The following CLTCL1 variants were observed in gnomAD, a reference collection of about 807,000 sequenced individuals.
CLTCL1 encodes the protein clathrin heavy chain 2.
A neutral mutation model predicts 190.0 loss-of-function variants in CLTCL1; 159 were observed. The ratio of observed to expected loss-of-function variants is 0.84; its 90% CI spans 0.74 to 0.95. The LOEUF is 0.95. CLTCL1 is among the 40% of genes least tolerant of loss of function. The pLI is 0.00. For synonymous variants in CLTCL1, 752 were observed against 769.6 expected (o/e 0.98, Z 0.38); for missense variants, 1,878 against 2,033.4 (o/e 0.92, Z 1.47).
chr22:19,185,865 G>C (rs1555928141), intron 29 of CLTCL1, among the ~76,000 whole-genome samples: 2 of 152,238 alleles, frequency 1.3e-5, no homozygotes, highest in South Asian at 2.1e-4. Flanking sequence ...AGGTGCGTCT[G>C]AGCCCAGCTG....
chr22:19,269,428 CAT>C (rs1158612563), intron 2 of CLTCL1, among the ~76,000 whole-genome samples: 1 of 152,074 alleles, frequency 6.6e-6, no homozygotes, highest in Non-Finnish European at 1.5e-5. Flanking sequence ...ACAAATTTAT[CAT>C]ATGATCCAGC....
intron 1 of CLTCL1, among the ~76,000 whole-genome samples, chr22:19,283,376 A>G (rs193128758): frequency 2.7e-5 from 4 of 150,314 alleles, no homozygotes; most frequent in African/African-American, 9.8e-5. Flanking sequence ...TGCCTCCCAC[A>G]CTCAACCGAT....
chr22:19,184,350 G>T lies in CLTCL1; in HGVS notation c.4606-739C>A, dbSNP rs1299713057. On this transcript the variant is annotated intron_variant, in intron 29 of 32. Transcript: ENST00000427926. The stretch of plus-strand genomic sequence containing the variant: ...GACCTGTGCTCTCCAGGGATACCCT[G>T]TGGCGGTCCCAGCTCTGCATGCCTG... 1.2e-5 allele frequency: 5 copies of T among 407,460 alleles called. No individual in the cohort carries two copies. In the Admixed American group the frequency reaches 1.3e-4, roughly 10 times the overall value. The allele number at this position is 407,460 out of a possible 1,614,324, so 25.2% of individuals were successfully genotyped here.
At chr22:19,256,024 G>A (rs1320286363) in intron 2 of CLTCL1, among the ~76,000 whole-genome samples, 1 of 151,886 alleles carries the variant, frequency 6.6e-6, no homozygotes, top group African/African-American at 2.4e-5. Flanking sequence ...AGAAAGTAAA[G>A]GCTTAAATAA....
At chr22:19,247,843 G>C (rs1439786208) in intron 3 of CLTCL1, among the ~76,000 whole-genome samples, 1 of 152,002 alleles carries the variant, frequency 6.6e-6, no homozygotes, top group Non-Finnish European at 1.5e-5. Flanking sequence ...TTAAAGGTGT[G>C]AGTCACCGTG....
chr22:19,234,837 G>T, intron 6 of CLTCL1, 131 bp from the exon 7 acceptor site: 2 of 815,038 alleles, frequency 2.5e-6, no homozygotes, highest in Admixed American at 2.4e-5. Context: ...TGTGATGGTG[G>T]CCCTCACAGT....
chr22:19,267,826 C>T (rs1431572304), intron 2 of CLTCL1, among the ~76,000 whole-genome samples: 1 of 151,420 alleles, frequency 6.6e-6, no homozygotes, highest in East Asian at 1.9e-4. Context: ...ACCCAGGAGG[C>T]AGAGGTTGCA....
At chr22:19,248,095 G>T (rs79111330) in intron 3 of CLTCL1, among the ~76,000 whole-genome samples, 5 of 151,126 alleles carry the variant, frequency 3.3e-5, no homozygotes, top group Admixed American at 1.3e-4. Context: ...TCAGGAGTTC[G>T]AGACCAGACT....
rs190249551 is a variant in CLTCL1, at chr22:19,199,851, G to T, written c.3766-10C>A. On this transcript the variant is annotated splice_polypyrimidine_tract_variant and intron_variant, in intron 23 of 32. Transcript: ENST00000427926. ...TGCAGGCAAAGCACACCTAGGGGACGGAGGGCAAGCGTGAGGGTCCCCAAG... is the reference window on the plus strand; with the variant it reads ...TGCAGGCAAAGCACACCTAGGGGACTGAGGGCAAGCGTGAGGGTCCCCAAG... The T allele has an allele frequency of 2.5e-6, 4 of 1,576,704 alleles. No individual in the cohort carries two copies. The highest frequency in any genetic ancestry group is 3.4e-6 in the Non-Finnish European group (4 of 1,160,196).
At chr22:19,200,058 T>C (rs561423327) in intron 23 of CLTCL1, among the ~76,000 whole-genome samples, 3 of 152,172 alleles carry the variant, frequency 2.0e-5, no homozygotes, top group East Asian at 1.9e-4. Context: ...CTTGAGACCA[T>C]GGAAAGAATA....
At chr22:19,257,423 C>A in intron 2 of CLTCL1, 1 of 186,096 alleles carries the variant, frequency 5.4e-6, no homozygotes. Context: ...ATACCATATA[C>A]AAAAAGTAAC....
intron 24 of CLTCL1, among the ~76,000 whole-genome samples, chr22:19,197,001 T>C (rs1403329228): frequency 2.0e-5 from 3 of 152,122 alleles, no homozygotes; most frequent in African/African-American, 7.2e-5. Flanking sequence ...CTACAGCTCA[T>C]TACTGAGATC....
At chr22:19,184,354 C>T (rs1380143710) in intron 29 of CLTCL1, 12 of 407,586 alleles carry the variant, frequency 2.9e-5, no homozygotes, top group African/African-American at 6.1e-5. Flanking sequence ...TACCCTGTGG[C>T]GGTCCCAGCT....
chr22:19,196,143 T>C, intron 26 of CLTCL1, 123 bp downstream of exon 26: 2 of 965,140 alleles, frequency 2.1e-6, no homozygotes, highest in Non-Finnish European at 3.0e-6. Flanking sequence ...CTCATACAAG[T>C]GAACGCACAC....
intron 26 of CLTCL1, among the ~76,000 whole-genome samples, chr22:19,193,077 A>G (rs762523): frequency 0.75 from 114,640 of 152,132 alleles, 44,477 homozygotes; most frequent in East Asian, 0.94. Flanking sequence ...CTGCTTCCCC[A>G]CCAACCACAA....
At chr22:19,202,399 C>T in intron 22 of CLTCL1, among the ~76,000 whole-genome samples, 1 of 150,898 alleles carries the variant, frequency 6.6e-6, no homozygotes, top group African/African-American at 2.4e-5. Flanking sequence ...ACCAACCCTC[C>T]TTCCGCCATC....
At chr22:19,190,353 T>C (rs2146239326) in intron 27 of CLTCL1, among the ~76,000 whole-genome samples, 1 of 152,248 alleles carries the variant, frequency 6.6e-6, no homozygotes, top group East Asian at 1.9e-4. Flanking sequence ...AGCGGAGCAG[T>C]CAGAACACAT....
intron 22 of CLTCL1, chr22:19,207,473 C>A: frequency 2.5e-6 from 1 of 400,414 alleles, no homozygotes; most frequent in South Asian, 1.3e-4. Flanking sequence ...GTCAAAATTC[C>A]ATGGGTCTCA....
At chr22:19,243,511 C>G (rs868982297) in intron 3 of CLTCL1, among the ~76,000 whole-genome samples, 1 of 151,848 alleles carries the variant, frequency 6.6e-6, no homozygotes, top group Non-Finnish European at 1.5e-5. Flanking sequence ...CTTAGCTACT[C>G]GGGAGGCCAA....
Sources: allele counts gnomAD v4.1 joint callset (sites outside exome capture counted in the v4.1 genomes callset), GRCh38; gene constraint gnomAD v4.1.1; transcripts MANE v1.5; gene names NCBI Gene and HGNC (gene_info 2026-07-23, HGNC 2026-07-21).